RIMS2: variants seen among roughly 807,000 people sequenced by gnomAD.
RIMS2 encodes regulating synaptic membrane exocytosis protein 2.
Under a neutral mutation model 174.4 loss-of-function variants are expected in RIMS2, and 59 were observed. That is an observed-to-expected ratio of 0.34 (90% CI 0.27 to 0.42). The LOEUF is 0.42. Among genes scored for constraint, RIMS2 ranks in the 10% least tolerant of loss-of-function variants. The pLI is 1.00. For missense variants in RIMS2, 1,620 were observed against 1,666.3 expected (o/e 0.97, Z 0.48); for synonymous variants, 606 against 572.5 (o/e 1.06, Z -0.84).
chr8:104,169,376 T>C (rs969451943), intron 19 of RIMS2, among the ~76,000 whole-genome samples: 2 of 149,268 alleles, frequency 1.3e-5, no homozygotes, highest in Non-Finnish European at 3.0e-5. Context: ...TATTAGTCTG[T>C]TTAGAGTTTC....
intron 2 of RIMS2, among the ~76,000 whole-genome samples, chr8:103,699,545 A>C (rs1590646634): frequency 6.6e-6 from 1 of 151,348 alleles, no homozygotes; most frequent in South Asian, 2.1e-4. Context: ...TTTTTGTTTT[A>C]TTGATTTTTC....
chr8:104,255,369 C>T (rs539604102), downstream of RIMS2: 1 of 152,092 alleles, frequency 6.6e-6, no homozygotes, highest in Non-Finnish European at 1.5e-5. Flanking sequence ...CTTTGTTGTT[C>T]ATATACATTC....
At chr8:103,667,901 C>T (rs1218987217) in intron 1 of RIMS2, among the ~76,000 whole-genome samples, 1 of 152,158 alleles carries the variant, frequency 6.6e-6, no homozygotes, top group Admixed American at 6.5e-5. Flanking sequence ...CACAGTCCCA[C>T]AGTTTTGTTG....
At chr8:103,756,201 G>T (rs1344076632) in intron 2 of RIMS2, among the ~76,000 whole-genome samples, 1 of 152,102 alleles carries the variant, frequency 6.6e-6, no homozygotes, top group Non-Finnish European at 1.5e-5. Context: ...CTGCAGATCT[G>T]TTGGAGTTTG....
chr8:103,955,609 T>C (rs1460800255), intron 14 of RIMS2, among the ~76,000 whole-genome samples: 2 of 152,128 alleles, frequency 1.3e-5, no homozygotes, highest in African/African-American at 2.4e-5. Flanking sequence ...CTCAAAATAA[T>C]ACAAGCAATT....
At chr8:104,166,737 T>C (rs1322196730) in intron 19 of RIMS2, among the ~76,000 whole-genome samples, 1 of 151,424 alleles carries the variant, frequency 6.6e-6, no homozygotes, top group South Asian at 2.1e-4. Context: ...TATAACTGTA[T>C]AAATATTTAT....
chr8:103,816,785 C>T (rs1209083229), intron 3 of RIMS2, among the ~76,000 whole-genome samples: 1 of 152,116 alleles, frequency 6.6e-6, no homozygotes, highest in African/African-American at 2.4e-5. Context: ...GTTGATGTAT[C>T]GTTGACTCTT....
intron 1 of RIMS2, among the ~76,000 whole-genome samples, chr8:103,628,632 G>A (rs1440529441): frequency 1.3e-5 from 2 of 151,736 alleles, no homozygotes; most frequent in Non-Finnish European, 2.9e-5. Context: ...GACTCCCAAA[G>A]TACTGTGATT....
At chr8:103,583,279 C>T (rs1342900247) in intron 1 of RIMS2, among the ~76,000 whole-genome samples, 2 of 152,222 alleles carry the variant, frequency 1.3e-5, no homozygotes, top group East Asian at 3.9e-4. Context: ...CATCATAGTC[C>T]CTTCAAATAT....
chr8:104,214,176 AC>A (rs2099119129), intron 19 of RIMS2, among the ~76,000 whole-genome samples: 2 of 152,172 alleles, frequency 1.3e-5, no homozygotes, highest in African/African-American at 4.8e-5. Flanking sequence ...TAATTAGAAT[AC>A]ATACTGATTT....
chr8:103,913,882 C>G (rs1185351907), intron 6 of RIMS2, among the ~76,000 whole-genome samples: 2 of 152,146 alleles, frequency 1.3e-5, no homozygotes, highest in African/African-American at 4.8e-5. Context: ...TCAGGTTCTA[C>G]CTCCAGCATT....
chr8:103,981,584 T>C (rs182290955), intron 16 of RIMS2, among the ~76,000 whole-genome samples: 1 of 152,248 alleles, frequency 6.6e-6, no homozygotes, highest in East Asian at 1.9e-4. Flanking sequence ...GATGTGACCT[T>C]TCAGATAGAA....
intron 12 of RIMS2, among the ~76,000 whole-genome samples, chr8:103,934,563 T>C (rs991622241): frequency 6.6e-6 from 1 of 152,202 alleles, no homozygotes; most frequent in Admixed American, 6.5e-5. Context: ...CCTCAGAGAT[T>C]GTCTATTCCT....
intron 21 of RIMS2, 103 bp downstream of exon 27, chr8:104,248,916 C>CTCTCTCTCTCTTTGT (rs773054313): frequency 1.8e-6 from 1 of 540,910 alleles, no homozygotes; most frequent in African/African-American, 3.2e-5. Flanking sequence ...TCTCTCTTTC[C>CTCTCTCTCTCTTTGT]CTCTCTCTCT....
chr8:103,807,846 G>C (rs2098660259), intron 3 of RIMS2, among the ~76,000 whole-genome samples: 1 of 151,954 alleles, frequency 6.6e-6, no homozygotes, highest in Non-Finnish European at 1.5e-5. Context: ...TAGGATCTTT[G>C]ATTAATCCTG....
intron 2 of RIMS2, among the ~76,000 whole-genome samples, chr8:103,731,786 C>T (rs1280492915): frequency 6.6e-6 from 1 of 152,140 alleles, no homozygotes; most frequent in Non-Finnish European, 1.5e-5. Flanking sequence ...AGAATTTCTG[C>T]TTGATTCTTT....
At chr8:104,009,277 A>C (rs570754739) in intron 17 of RIMS2, among the ~76,000 whole-genome samples, 1 of 151,616 alleles carries the variant, frequency 6.6e-6, no homozygotes, top group South Asian at 2.1e-4. Context: ...ACAAAAATAT[A>C]ATGTTTCTGC....
intron 3 of RIMS2, among the ~76,000 whole-genome samples, chr8:103,852,848 C>T (rs183702931): frequency 1.3e-5 from 2 of 152,086 alleles, no homozygotes; most frequent in East Asian, 1.9e-4. Flanking sequence ...CTCTTGTGAA[C>T]AGCACCGCCA....
chr8:103,738,404 TG>T (rs2097715412), intron 2 of RIMS2, among the ~76,000 whole-genome samples: 1 of 152,194 alleles, frequency 6.6e-6, no homozygotes, highest in African/African-American at 2.4e-5. Context: ...AAGATTTAAT[TG>T]TTAGACCTAA....
Sources: allele counts gnomAD v4.1 joint callset (sites outside exome capture counted in the v4.1 genomes callset), GRCh38; gene constraint gnomAD v4.1.1; transcripts MANE v1.5; gene names NCBI Gene and HGNC (gene_info 2026-07-23, HGNC 2026-07-21).